ZZZ3: variants seen among roughly 807,000 people sequenced by gnomAD.
The protein encoded by ZZZ3 is zinc finger ZZ-type containing 3.
A neutral mutation model predicts 95.2 loss-of-function variants in ZZZ3; 22 were observed. The observed-to-expected ratio is 0.23, with a 90% CI of 0.17 to 0.33. ZZZ3 has a LOEUF of 0.33. Among genes scored for constraint, ZZZ3 ranks in the 10% least tolerant of loss-of-function variants. The pLI, the probability that ZZZ3 is intolerant of heterozygous loss-of-function variation, is 1.00. For missense variants in ZZZ3, 885 were observed against 1,066.5 expected, an observed-to-expected ratio of 0.83 and a Z score of 2.37; for synonymous variants, 335 against 358.9, an observed-to-expected ratio of 0.93 and a Z score of 0.75.
chr1:77,584,888 T>G (rs1408830242), intron 5 of ZZZ3: 10 of 296,202 alleles, frequency 3.4e-5, no homozygotes, highest in Non-Finnish European at 6.1e-6. Context: ...AAGTTTTTAA[T>G]TCTTGAACCT....
intron 1 of ZZZ3, among the ~76,000 whole-genome samples, chr1:77,675,510 C>G (rs1672176535): frequency 6.6e-6 from 1 of 152,086 alleles, no homozygotes; most frequent in Non-Finnish European, 1.5e-5. Flanking sequence ...CCCTTTAAAT[C>G]TCACCATAAC....
chr1:77,679,018 T>TTTA (rs1446888423), intron 1 of ZZZ3, among the ~76,000 whole-genome samples: 3 of 151,990 alleles, frequency 2.0e-5, no homozygotes, highest in Non-Finnish European at 4.4e-5. Context: ...TCCTCTCTAA[T>TTTA]AAGACAAAAA....
intron 4 of ZZZ3, among the ~76,000 whole-genome samples, chr1:77,635,813 G>C (rs1027670286): frequency 6.6e-6 from 1 of 152,142 alleles, no homozygotes; most frequent in African/African-American, 2.4e-5. Context: ...GGCTGAGGCA[G>C]GAGAATCGCT....
At chr1:77,567,927 C>T (rs17100758) in intron 13 of ZZZ3, among the ~76,000 whole-genome samples, 35,326 of 152,058 alleles carry the variant, frequency 0.23, 4,270 homozygotes, top group East Asian at 0.44. Context: ...AAATAATAAA[C>T]TCTTCACATC....
intron 5 of ZZZ3, among the ~76,000 whole-genome samples, chr1:77,606,350 G>GT (rs1665233093): frequency 6.6e-6 from 1 of 152,170 alleles, no homozygotes; most frequent in Non-Finnish European, 1.5e-5. Flanking sequence ...GATATCTAAA[G>GT]TTTTTTACTT....
Position 77,564,524 on chromosome 1 carries a change from C to A in ZZZ3, c.*1116G>T, listed in dbSNP as rs1262282553. On this transcript the variant is annotated 3_prime_UTR_variant, in exon 15 of 15. Transcript: ENST00000370801. ...ATTCTATAATATAAACAGACAGTAT[C>A]CACATAGTTTATTTCTCACAGTTCT... 2 of 152,214 alleles carry A rather than the reference C, an allele frequency of 1.3e-5. No homozygotes were observed. Among genetic ancestry groups the A allele is most frequent in the Non-Finnish European group, 2.9e-5 (2 of 67,946 alleles). 9.4% of individuals were successfully genotyped at this position (152,214 alleles called of 1,614,324 possible).
At chr1:77,628,233 A>G (rs1361073742) in intron 5 of ZZZ3, among the ~76,000 whole-genome samples, 1 of 152,210 alleles carries the variant, frequency 6.6e-6, no homozygotes, top group African/African-American at 2.4e-5. Flanking sequence ...TGTATTATCT[A>G]ACACTTTAAC....
intron 5 of ZZZ3, among the ~76,000 whole-genome samples, chr1:77,592,872 A>G (rs953951775): frequency 1.2e-4 from 18 of 152,228 alleles, no homozygotes; most frequent in African/African-American, 2.4e-5. Flanking sequence ...AAAATATTTG[A>G]AAGTTCTTAA....
chr1:77,593,352 T>A (rs10782655), intron 5 of ZZZ3, among the ~76,000 whole-genome samples: 7 of 152,182 alleles, frequency 4.6e-5, no homozygotes, highest in Non-Finnish European at 8.8e-5. Context: ...CATCTAATAC[T>A]AATGCTTAAT....
At chr1:77,662,433 T>C (rs867485766) in intron 1 of ZZZ3, among the ~76,000 whole-genome samples, 12 of 151,958 alleles carry the variant, frequency 7.9e-5, no homozygotes, top group South Asian at 6.3e-4. Flanking sequence ...CATAAACCAA[T>C]GCACCTCACC....
chr1:77,607,176 T>C (rs763541131), intron 5 of ZZZ3, among the ~76,000 whole-genome samples: 38 of 152,320 alleles, frequency 2.5e-4, no homozygotes, highest in Admixed American at 1.5e-3. Context: ...CTCACAATCA[T>C]GGCTGAAGGC....
chr1:77,598,512 T>C (rs1257527084), intron 5 of ZZZ3, among the ~76,000 whole-genome samples: 1 of 152,148 alleles, frequency 6.6e-6, no homozygotes, highest in East Asian at 1.9e-4. Context: ...GTAGCCACTA[T>C]TGCTTTATCT....
intron 11 of ZZZ3, among the ~76,000 whole-genome samples, chr1:77,577,867 C>T (rs1458555232): frequency 6.6e-6 from 1 of 152,182 alleles, no homozygotes; most frequent in African/African-American, 2.4e-5. Context: ...GATCCACCCG[C>T]CTCGGCCTCC....
intron 1 of ZZZ3, among the ~76,000 whole-genome samples, chr1:77,667,588 C>CT (rs908192187): frequency 2.0e-5 from 3 of 152,018 alleles, no homozygotes; most frequent in Non-Finnish European, 4.4e-5. Context: ...TAATTATCTT[C>CT]TTTTTTTCCT....
At chr1:77,683,190 C>T (rs1479463173), upstream of ZZZ3, 2 of 148,452 alleles carry the variant, frequency 1.3e-5, no homozygotes, top group Non-Finnish European at 1.5e-5. Context: ...CGTTTCCCAC[C>T]CCCATTCCCT....
chr1:77,565,469 T>A lies in ZZZ3; in HGVS notation c.*171A>T. ...GGAATGTTCAGCTGCTGAACAGTGA[T>A]CTAGAGCCACAACGGTGCAGAGCTG... is the stretch of plus-strand genomic sequence containing the variant. On this transcript the variant is annotated 3_prime_UTR_variant, in exon 15 of 15. Transcript: ENST00000370801. 2 of 613,248 alleles carry A rather than the reference T, an allele frequency of 3.3e-6. No individual in the cohort carries two copies. The highest frequency in any genetic ancestry group is 5.0e-5 in the South Asian group (2 of 40,022). The allele number at this position is 613,248 out of a possible 1,614,324, so 38.0% of individuals were successfully genotyped here. A position where few individuals can be genotyped will look rare whatever the true frequency, so the allele number is the denominator to read the frequency against.
At chr1:77,597,544 T>C (rs1199412702) in intron 5 of ZZZ3, among the ~76,000 whole-genome samples, 2 of 152,124 alleles carry the variant, frequency 1.3e-5, no homozygotes, top group African/African-American at 4.8e-5. Context: ...GTCACATCAA[T>C]AGCAATAAAT....
At position 77,576,150 on chromosome 1, in the gene ZZZ3, T is replaced by C. The variant is rs1315660994; in HGVS notation, c.2249A>G (p.His750Arg). 5.6e-6 allele frequency: 9 copies of C among 1,613,622 alleles called. No individual in the cohort carries two copies. The highest frequency in any genetic ancestry group is 5.5e-5 in the South Asian group (5 of 91,012). The change falls in exon 12 of 15, where the codon CAT becomes CGT. Residue 750 changes from histidine (H) to arginine (R), a missense_variant. His to Arg is a conservative substitution (Grantham distance 29, BLOSUM62 0). Coordinates refer to ENST00000370801, the MANE Select transcript of ZZZ3 (RefSeq NM_015534.6). ...LFKPSTFMTS[H>R]EPPVYMDEDD... ...TTCATCCATATACACTGGCGGTTCATGTGAAGTCATGAAAGTGGAAGGCTT... is the reference window on the plus strand; with the variant it reads ...TTCATCCATATACACTGGCGGTTCACGTGAAGTCATGAAAGTGGAAGGCTT...
chr1:77,593,798 A>G (rs753130568), intron 5 of ZZZ3, among the ~76,000 whole-genome samples: 2 of 152,172 alleles, frequency 1.3e-5, no homozygotes, highest in African/African-American at 4.8e-5. Context: ...CAAAGAGATC[A>G]CCTGCACTCT....
Sources: gnomAD v4.1 joint callset for allele counts (sites outside exome capture counted in the v4.1 genomes callset) on GRCh38, gnomAD v4.1.1 for gene constraint, MANE v1.5 for transcripts, NCBI Gene and HGNC (gene_info 2026-07-23, HGNC 2026-07-21) for gene names.